The following GAK variants were observed in gnomAD, a reference collection of about 807,000 sequenced individuals.
GAK encodes the protein cyclin G associated kinase, also known as cyclin-G-associated kinase.
In GAK, 79 loss-of-function variants were observed where a neutral mutation model predicts 143.9. The ratio of observed to expected loss-of-function variants is 0.55; its 90% CI spans 0.46 to 0.66. The LOEUF is 0.66. Among genes scored for constraint, GAK ranks in the 30% least tolerant of loss-of-function variants. The pLI is 0.00. For missense variants in GAK, 1,693 were observed against 1,779.7 expected, an observed-to-expected ratio of 0.95 and a Z score of 0.88; for synonymous variants, 881 against 765.5, an observed-to-expected ratio of 1.15 and a Z score of -2.49.
intron 15 of GAK, among the ~76,000 whole-genome samples, chr4:880,896 C>G (rs1395427953): frequency 6.6e-6 from 1 of 152,198 alleles, no homozygotes; most frequent in African/African-American, 2.4e-5. Context: ...CTCAGACGCC[C>G]CCTGCTGAAC....
chr4:865,582 C>G (rs890269288), intron 22 of GAK, among the ~76,000 whole-genome samples: 2 of 152,232 alleles, frequency 1.3e-5, no homozygotes, highest in African/African-American at 4.8e-5. Flanking sequence ...CTAAAACCCA[C>G]CAGAGCCCGA....
intron 15 of GAK, among the ~76,000 whole-genome samples, chr4:881,599 A>G (rs73064427): frequency 0.066 from 9,908 of 151,052 alleles, 371 homozygotes; most frequent in Middle Eastern, 0.095. Flanking sequence ...TCCACACGGC[A>G]TTTTCACGTG....
chr4:921,134 G>A (rs575797038), intron 1 of GAK, among the ~76,000 whole-genome samples: 5 of 151,758 alleles, frequency 3.3e-5, no homozygotes, highest in South Asian at 4.2e-4. Context: ...ACGGAGTCTC[G>A]CTCTGTCACC....
chr4:866,892 G>A, intron 21 of GAK, 64 bp downstream of exon 21: 3 of 1,230,724 alleles, frequency 2.4e-6, no homozygotes, highest in Non-Finnish European at 3.4e-6. Flanking sequence ...CATGCAGTGA[G>A]AATGACTCAG....
At chr4:916,579 T>C (rs959588200) in intron 1 of GAK, among the ~76,000 whole-genome samples, 4 of 152,212 alleles carry the variant, frequency 2.6e-5, no homozygotes, top group African/African-American at 9.6e-5. Context: ...AAAGATATAC[T>C]TGTGACAAGT....
chr4:903,956 T>G (rs1460915374), intron 5 of GAK, among the ~76,000 whole-genome samples: 5 of 152,258 alleles, frequency 3.3e-5, no homozygotes, highest in African/African-American at 1.2e-4. Context: ...CAGATGCTAA[T>G]TTTCTTCAGG....
Position 851,786 on chromosome 4 carries a change from C to T in GAK, c.3472G>A (p.Ala1158Thr), listed in dbSNP as rs1748190642. The change falls in exon 25 of 28, where the codon GCG (alanine) becomes ACG (threonine). Residue 1158 changes from alanine (A) to threonine (T), a missense_variant. Coordinates refer to ENST00000314167, the MANE Select transcript of GAK (RefSeq NM_005255.4). ...NYASNFSVIG[A>T]REERGVRAPS... is the part of the protein sequence containing the mutation. ...GCGCGGACCCCCCGCTCCTCCCGCG[C>T]CCCGATCACACTGAAGTTCGAGGCA... 6.2e-7 allele frequency: 1 copy of T among 1,612,944 alleles called. No individual in the cohort carries two copies. The highest frequency in any genetic ancestry group is 1.3e-5 in the African/African-American group (1 of 75,058).
chr4:908,393 G>T (rs1721458698), intron 4 of GAK, among the ~76,000 whole-genome samples: 1 of 152,288 alleles, frequency 6.6e-6, no homozygotes, highest in African/African-American at 2.4e-5. Flanking sequence ...CCTGAGCAGG[G>T]TGCTCTCGCC....
chr4:862,949 G>C (rs1409529408), intron 23 of GAK, among the ~76,000 whole-genome samples: 1 of 152,250 alleles, frequency 6.6e-6, no homozygotes, highest in African/African-American at 2.4e-5. Flanking sequence ...AAGGAGTCGT[G>C]TCGACTTCCA....
At position 873,393 on chromosome 4, in the gene GAK, C is replaced by T. The variant is rs1044291645; in HGVS notation, c.2055-2489G>A. Among the ~76,000 whole-genome samples the T allele has an allele frequency of 3.9e-5, 6 of 152,118 alleles. 1 individual carries two copies. The highest frequency in any genetic ancestry group is 6.6e-5 in the Admixed American group (1 of 15,258). On this transcript the variant is annotated intron_variant, in intron 18 of 27. Coordinates refer to ENST00000314167, the MANE Select transcript of GAK (RefSeq NM_005255.4). ...AGATGCCTTGAGACTTGCTGTATGA[C>T]CCAACGTGGAGTCCACTTTAATAAA... is the stretch of plus-strand genomic sequence containing the variant.
At chr4:856,576 C>T (rs1345280783) in intron 24 of GAK, among the ~76,000 whole-genome samples, 4 of 147,412 alleles carry the variant, frequency 2.7e-5, no homozygotes, top group Non-Finnish European at 1.5e-5. Context: ...CTCACCACAG[C>T]TGCTCACCAC....
chr4:888,938 C>A lies in GAK; in HGVS notation c.1114G>T (p.Gly372Cys), dbSNP rs746268649. 1 of 1,612,528 alleles carries A rather than the reference C, an allele frequency of 6.2e-7. No homozygotes were observed. The highest frequency in any genetic ancestry group is 8.5e-7 in the Non-Finnish European group (1 of 1,179,716). Residue 372 changes from glycine (G) to cysteine (C), a missense_variant, in exon 11 of 28, where the codon GGC becomes TGC. Physicochemically the swap from Gly to Cys is radical, Grantham distance 159. This residue lies in a region of GAK where 871 missense variants were observed against 991.0 expected (regional missense o/e 0.88). Transcript: ENST00000314167. ...LALAEYDQPYGGFLDILRGGT... is the reference protein window; with the variant it reads ...LALAEYDQPYCGFLDILRGGT... ...CCCCGCAGAATGTCCAGGAAGCCGC[C>A]ATACGGCTGGTCGTACTCCGCCAGC...
chr4:905,519 G>A lies in GAK; in HGVS notation c.383-740C>T, dbSNP rs563087821. Among the ~76,000 whole-genome samples the A allele has an allele frequency of 1.5e-4, 23 of 148,482 alleles. 1 individual carries two copies. The highest frequency in any genetic ancestry group is 5.3e-4 in the Admixed American group (8 of 14,954). On this transcript the variant is annotated intron_variant, in intron 4 of 27. Coordinates refer to ENST00000314167, the MANE Select transcript of GAK (RefSeq NM_005255.4). ...CGCCCCATGCCACGCTACGGACTCC[G>A]CCACGCCCCATGCCACGCTACGGAC...
chr4:903,130 G>T (rs1392873919), intron 5 of GAK, among the ~76,000 whole-genome samples: 1 of 152,176 alleles, frequency 6.6e-6, no homozygotes, highest in Non-Finnish European at 1.5e-5. Flanking sequence ...CCCAGCCCCG[G>T]CCCAGAACCA....
Position 867,052 on chromosome 4 carries a change from G to C in GAK, c.2776C>G (p.Pro926Ala). Residue 926 changes from proline to alanine, a missense_variant, in exon 21 of 28, where the codon CCG (proline) becomes GCG (alanine). Physicochemically the swap from Pro to Ala is conservative, Grantham distance 27. Around this residue, in one of 2 missense-constraint regions of GAK, gnomAD observed 822 missense variants for 788.7 expected, o/e 1.04. Coordinates refer to ENST00000314167, the MANE Select transcript of GAK (RefSeq NM_005255.4). ...GPPEAASQGPPEDLLSEDPLL... is the reference protein window; with the variant it reads ...GPPEAASQGPAEDLLSEDPLL... ...GGGTCCTCGCTGAGCAGATCCTCCG[G>C]GGGCCCCTGGGAGGCGGCCTCAGGG... 1 of 1,522,824 alleles carries C rather than the reference G, an allele frequency of 6.6e-7. No homozygotes were observed. The highest frequency in any genetic ancestry group is 1.3e-5 in the South Asian group (1 of 77,178). The allele number at this position is 1,522,824 out of a possible 1,614,324, so 94.3% of individuals were successfully genotyped here. A position where few individuals can be genotyped will look rare whatever the true frequency, so the allele number is the denominator to read the frequency against.
chr4:893,900 T>G lies in GAK; in HGVS notation c.851A>C (p.Gln284Pro). ...GKYSIPPHDTQYTVFHSLIRA... is the reference protein window; with the variant it reads ...GKYSIPPHDTPYTVFHSLIRA... ...GATGAGGCTGTGGAAGACCGTGTACTGCGTGTCGTGCGGGGGGATCGAGTA... is the reference window on the plus strand; with the variant it reads ...GATGAGGCTGTGGAAGACCGTGTACGGCGTGTCGTGCGGGGGGATCGAGTA... The change falls in exon 8 of 28, where the codon CAG becomes CCG. Residue 284 changes from glutamine (Q) to proline (P), a missense_variant. Around this residue, in one of 2 missense-constraint regions of GAK, gnomAD observed 871 missense variants for 991.0 expected, o/e 0.88. Transcript: ENST00000314167. 1 of 1,608,710 alleles carries G rather than the reference T, an allele frequency of 6.2e-7. No individual in the cohort carries two copies. The highest frequency in any genetic ancestry group is 8.5e-7 in the Non-Finnish European group (1 of 1,177,362).
At chr4:880,813 C>T (rs1179256739) in intron 15 of GAK, among the ~76,000 whole-genome samples, 3 of 152,198 alleles carry the variant, frequency 2.0e-5, no homozygotes, top group African/African-American at 7.2e-5. Context: ...TCTGCTCCTC[C>T]AAGGAAGGAG....
intron 11 of GAK, chr4:888,039 C>G (rs1716881350): frequency 6.6e-6 from 1 of 152,308 alleles, no homozygotes; most frequent in African/African-American, 2.4e-5. Context: ...ACACGTCTAC[C>G]TGGTGCTGGG....
At position 889,992 on chromosome 4, in the gene GAK, A is replaced by G. The variant is rs796187704; in HGVS notation, c.1081+540T>C. 1.3e-4 allele frequency among the ~76,000 whole-genome samples: 20 copies of G among 152,234 alleles called. No individual in the cohort carries two copies. The South Asian group carries it at 3.3e-3, about 25-fold the overall frequency. ...TTCCCCCACCGCCCTCCACTGTCCA[A>G]TGCCTGCTCCTGCCCCCTGGCCTCA... On this transcript the variant is annotated intron_variant, in intron 10 of 27. Coordinates refer to ENST00000314167, the MANE Select transcript of GAK (RefSeq NM_005255.4).
Sources: allele counts gnomAD v4.1 joint callset (sites outside exome capture counted in the v4.1 genomes callset), GRCh38; gene constraint gnomAD v4.1.1; regional missense constraint gnomAD v4.1.1; transcripts MANE v1.5; gene names NCBI Gene and HGNC (gene_info 2026-07-23, HGNC 2026-07-21).